ADPRHL1: variants seen among roughly 807,000 people sequenced by gnomAD.
ADPRHL1 encodes the protein inactive ADP-ribosyltransferase ARH2.
Under a neutral mutation model 44.1 loss-of-function variants are expected in ADPRHL1, and 43 were observed. The ratio of observed to expected loss-of-function variants is 0.98; its 90% CI spans 0.76 to 1.26. The LOEUF is 1.26. Ranked by LOEUF, ADPRHL1 falls within the 50% of genes most tolerant of loss-of-function variation. The pLI is 0.00. For missense variants in ADPRHL1, 2,022 were observed against 2,496.9 expected (o/e 0.81, Z 4.05); for synonymous variants, 878 against 1,017.4 (o/e 0.86, Z 2.61).
intron 2 of ADPRHL1, among the ~76,000 whole-genome samples, chr13:113,440,674 C>T (rs539368100): frequency 0.016 from 2,448 of 152,026 alleles, 38 homozygotes; most frequent in Non-Finnish European, 0.023. Context: ...AGGCTGGTCT[C>T]GAACTCCTGA....
intron 7 of ADPRHL1, among the ~76,000 whole-genome samples, chr13:113,410,284 G>T (rs980338279): frequency 2.0e-5 from 3 of 152,116 alleles, no homozygotes; most frequent in Admixed American, 6.5e-5. Context: ...GGGCATCAGT[G>T]GATCAAGAGG....
Position 113,407,518 on chromosome 13 carries a change from C to T in ADPRHL1, c.1764G>A (p.Pro588=), listed in dbSNP as rs571075523. Residue 588 remains proline, a synonymous_variant, in exon 8 of 8, where the codon CCG becomes CCA. Transcript: ENST00000612156. ...RNLQRKRMHR[P]EVRVLHTATM... ...TGGCCGTGTGCAGCACGCGCACCTC[C>T]GGCCGGTGCATCCTCTTCCTCTGCA... The T allele has an allele frequency of 3.2e-5, 40 of 1,232,270 alleles. No individual in the cohort carries two copies. The South Asian group carries it at 6.2e-4, about 19-fold the overall frequency. The allele number at this position is 1,232,270 out of a possible 1,614,324, so 76.3% of individuals were successfully genotyped here. A position where few individuals can be genotyped will look rare whatever the true frequency, so the allele number is the denominator to read the frequency against.
intron 7 of ADPRHL1, among the ~76,000 whole-genome samples, chr13:113,416,778 A>C (rs1327563610): frequency 6.6e-6 from 1 of 152,254 alleles, no homozygotes; most frequent in Non-Finnish European, 1.5e-5. Flanking sequence ...ATAAGCAAAC[A>C]GTGGTTACAG....
At chr13:113,423,877 C>T (rs944648098) in intron 6 of ADPRHL1, among the ~76,000 whole-genome samples, 1 of 152,222 alleles carries the variant, frequency 6.6e-6, no homozygotes, top group East Asian at 1.9e-4. Context: ...GTGGCAAGGG[C>T]AGAAGCCCCC....
rs965201677 is a variant in ADPRHL1 at position 113,403,836 on chromosome 13, G to A, written c.5446C>T (p.Arg1816Trp). The A allele has an allele frequency of 5.2e-6, 6 of 1,160,124 alleles. No homozygotes were observed. The highest frequency in any genetic ancestry group is 6.3e-6 in the Non-Finnish European group (6 of 945,042). The allele number at this position is 1,160,124 out of a possible 1,614,324, so 71.9% of individuals were successfully genotyped here. A position where few individuals can be genotyped will look rare whatever the true frequency, so the allele number is the denominator to read the frequency against. The change falls in exon 8 of 8, where the codon CGG becomes TGG. Residue 1816 changes from arginine (R) to tryptophan (W), a missense_variant. By Grantham distance (101) the Arg-to-Trp change is moderately radical. Around this residue, in one of 8 missense-constraint regions of ADPRHL1, gnomAD observed 205 missense variants for 250.1 expected, o/e 0.82. Coordinates refer to ENST00000612156, the MANE Select transcript of ADPRHL1 (RefSeq NM_001394807.1). ...CCACTAATGGGCTGCTCCCAGGCCCGAGGCGCCATCCCACTTGTCAAGGCC... is the reference window on the plus strand; with the variant it reads ...CCACTAATGGGCTGCTCCCAGGCCCAAGGCGCCATCCCACTTGTCAAGGCC... ...EQALTSGMAP[R>W]AWEQPISGIA...
intron 7 of ADPRHL1, among the ~76,000 whole-genome samples, chr13:113,412,487 T>C (rs959840790): frequency 6.6e-6 from 1 of 152,256 alleles, no homozygotes; most frequent in Non-Finnish European, 1.5e-5. Context: ...CACAGCTCTA[T>C]AATTTTCTAA....
At position 113,399,828 on chromosome 13, in the gene ADPRHL1, T is replaced by C. The variant is rs12872639; in HGVS notation, c.*3550A>G. ...AAGACCGTAACTCCAACAGCAGAGA[T>C]ACCCTGAGAACAGAATAAGGAGGTG... On this transcript the variant is annotated 3_prime_UTR_variant, in exon 8 of 8. Coordinates refer to ENST00000612156, the MANE Select transcript of ADPRHL1 (RefSeq NM_001394807.1). The C allele has an allele frequency of 0.52, 78,158 of 151,652 alleles. 20,759 individuals carry two copies. Among genetic ancestry groups the C allele is most frequent in the East Asian group, 0.74 (3,805 of 5,156 alleles). 9.4% of individuals were successfully genotyped at this position (151,652 alleles called of 1,614,324 possible).
chr13:113,444,663 G>A, intron 1 of ADPRHL1, 74 bp from the exon 2 acceptor site: 1 of 1,531,350 alleles, frequency 6.5e-7, no homozygotes, highest in Non-Finnish European at 8.9e-7. Context: ...GCGGGGTCAG[G>A]CACCATAGTC....
chr13:113,452,218 A>G (rs1264866275), intron 1 of ADPRHL1, among the ~76,000 whole-genome samples: 1 of 152,196 alleles, frequency 6.6e-6, no homozygotes, highest in African/African-American at 2.4e-5. Context: ...GAAAACCAGA[A>G]GCAGGAGCTC....
intron 2 of ADPRHL1, 81 bp downstream of exon 2, chr13:113,444,344 G>A: frequency 6.5e-7 from 1 of 1,533,112 alleles, no homozygotes; most frequent in East Asian, 2.3e-5. Context: ...GAGATGCTGG[G>A]GGTTAGTGGA....
At chr13:113,418,181 C>A (rs903278654) in intron 7 of ADPRHL1, among the ~76,000 whole-genome samples, 13 of 152,264 alleles carry the variant, frequency 8.5e-5, no homozygotes, top group Admixed American at 6.5e-4. Flanking sequence ...TACTCAGACC[C>A]CCTGAATCTT....
chr13:113,415,607 T>G (rs566844179), intron 7 of ADPRHL1, among the ~76,000 whole-genome samples: 16 of 152,118 alleles, frequency 1.1e-4, no homozygotes, highest in Middle Eastern at 6.8e-3. Context: ...AAAAATTAGC[T>G]GGGCACAGTG....
Position 113,429,001 on chromosome 13 carries a change from C to T in ADPRHL1, c.597G>A (p.Ala199=), listed in dbSNP as rs9635114. Residue 199 remains alanine (A), a synonymous_variant, in exon 4 of 8, where the codon GCG becomes GCA. Transcript: ENST00000612156. ...LVQWGRDMLR[A]VPLAEEYCRK... ...TGCAGTACTCTTCTGCCAGAGGCACCGCCCGCAGCATGTCTCTCCCCCACT... is the reference window on the plus strand; with the variant it reads ...TGCAGTACTCTTCTGCCAGAGGCACTGCCCGCAGCATGTCTCTCCCCCACT... 31,085 of 1,612,780 alleles carry T rather than the reference C, an allele frequency of 0.019. 987 individuals carry two copies. The highest frequency in any genetic ancestry group is 0.14 in the East Asian group (6,276 of 44,854).
intron 3 of ADPRHL1, among the ~76,000 whole-genome samples, chr13:113,430,489 G>A (rs772683723): frequency 2.0e-4 from 30 of 152,306 alleles, no homozygotes; most frequent in African/African-American, 6.0e-4. Flanking sequence ...AGTGACGGCC[G>A]TGGTGACAGT....
chr13:113,404,798 C>T lies in ADPRHL1; in HGVS notation c.4484G>A (p.Trp1495Ter). Residue 1495 changes from tryptophan (W) to a stop codon, truncating the protein, a stop_gained, in exon 8 of 8, where the codon TGG becomes TAG. Transcript: ENST00000612156. LOFTEE classifies it low-confidence loss of function (END_TRUNC). The part of the protein sequence containing the change: ...QGQAQKQVQE[W>*]DRGQVQGHAQ... The stretch of plus-strand genomic sequence containing the variant: ...GTGTCCCTGAACCTGTCCCCGGTCC[C>T]ATTCCTGAACCTGTTTCTGGGCCTG... The T allele has an allele frequency of 1.6e-6, 2 of 1,253,638 alleles. No individual in the cohort carries two copies. Among genetic ancestry groups the T allele is most frequent in the South Asian group, 3.5e-5 (1 of 28,646 alleles). 77.7% of individuals were successfully genotyped at this position (1,253,638 alleles called of 1,614,324 possible). A position where few individuals can be genotyped will look rare whatever the true frequency, so the allele number is the denominator to read the frequency against.
chr13:113,419,444 G>C (rs980043137), intron 7 of ADPRHL1, among the ~76,000 whole-genome samples: 2 of 151,314 alleles, frequency 1.3e-5, no homozygotes, highest in Non-Finnish European at 2.9e-5. Flanking sequence ...CTTGGAGAAA[G>C]AAAAATAAAA....
chr13:113,452,391 G>A (rs1208278186), intron 1 of ADPRHL1, among the ~76,000 whole-genome samples: 2 of 152,216 alleles, frequency 1.3e-5, no homozygotes, highest in African/African-American at 4.8e-5. Flanking sequence ...GCACGTCCAT[G>A]GCAGATGAAC....
At chr13:113,416,108 C>T (rs150289486) in intron 7 of ADPRHL1, among the ~76,000 whole-genome samples, 1,968 of 151,442 alleles carry the variant, frequency 0.013, 17 homozygotes, top group South Asian at 0.054. Flanking sequence ...CAACGGTCAC[C>T]GTCTATCTAG....
Position 113,444,512 on chromosome 13 carries a change from G to A in ADPRHL1, c.292C>T (p.Arg98Trp), listed in dbSNP as rs151314929. 1.9e-5 allele frequency: 30 copies of A among 1,614,048 alleles called. No homozygotes were observed. Among genetic ancestry groups the A allele is most frequent in the African/African-American group, 1.6e-4 (12 of 74,928 alleles). The change falls in exon 2 of 8, where the codon CGG becomes TGG. Residue 98 changes from arginine to tryptophan, a missense_variant. Around this residue, in one of 8 missense-constraint regions of ADPRHL1, gnomAD observed 437 missense variants for 430.7 expected, o/e 1.01. Transcript: ENST00000612156. ...CCTTCAATGGTAGCTGGGTCTGGCC[G>A]GCGTTCTGGAAGCTTCTCAACGATT... is the stretch of plus-strand genomic sequence containing the variant. Reference protein sequence around the residue: ...VEIVEKLPERRPDPATIEGCA... With the variant: ...VEIVEKLPERWPDPATIEGCA...
Sources: allele counts gnomAD v4.1 joint callset (sites outside exome capture counted in the v4.1 genomes callset), GRCh38; gene constraint gnomAD v4.1.1; regional missense constraint gnomAD v4.1.1; transcripts MANE v1.5; gene names NCBI Gene and HGNC (gene_info 2026-07-23, HGNC 2026-07-21).